Variants in STYXL1 observed in about 807,000 individuals in gnomAD.
The protein encoded by STYXL1 is serine/threonine/tyrosine interacting like 1.
A neutral mutation model predicts 36.4 loss-of-function variants in STYXL1; 32 were observed. The observed-to-expected ratio is 0.88, with a 90% CI of 0.66 to 1.18. The LOEUF is 1.18. Ranked by LOEUF, STYXL1 falls within the 50% of genes most tolerant of loss-of-function variation. STYXL1 has a pLI of 0.00. For synonymous variants in STYXL1, 133 were observed against 144.1 expected (o/e 0.92, Z 0.55); for missense variants, 354 against 394.1 (o/e 0.90, Z 0.86).
At position 76,047,978 on chromosome 7, in the gene STYXL1, T is replaced by G; in HGVS notation, c.-321A>C. The G allele has an allele frequency of 6.7e-7, 1 of 1,481,778 alleles. No individual in the cohort carries two copies. The allele number at this position is 1,481,778 out of a possible 1,614,324, so 91.8% of individuals were successfully genotyped here. A position where few individuals can be genotyped will look rare whatever the true frequency, so the allele number is the denominator to read the frequency against. Reference sequence around the variant, plus strand: ...GGGGTTGCCAGGATGGTCCCACAGCTTTCCTTTCCGACTCCCGGAAGTGGC... The same window carrying G: ...GGGGTTGCCAGGATGGTCCCACAGCGTTCCTTTCCGACTCCCGGAAGTGGC... On this transcript the variant is annotated 5_prime_UTR_variant, in exon 1 of 9. Transcript: ENST00000359697.
chr7:76,018,385 C>T (rs551444827), intron 4 of STYXL1, among the ~76,000 whole-genome samples: 1 of 152,004 alleles, frequency 6.6e-6, no homozygotes. Flanking sequence ...TAGCACATGT[C>T]AGTACTTTTA....
At chr7:76,040,890 T>A (rs1160132258) in intron 1 of STYXL1, among the ~76,000 whole-genome samples, 1 of 151,404 alleles carries the variant, frequency 6.6e-6, no homozygotes, top group Non-Finnish European at 1.5e-5. Flanking sequence ...GCTATTTATC[T>A]AAATATGGTT....
At chr7:76,005,180 A>T (rs539864694) in intron 6 of STYXL1, 79 bp downstream of exon 6, 186 of 893,294 alleles carry the variant, frequency 2.1e-4, no homozygotes, top group East Asian at 1.1e-3. Flanking sequence ...TAATAAAATT[A>T]AAAAAAATAA....
At chr7:76,040,729 C>T (rs1380864253) in intron 1 of STYXL1, among the ~76,000 whole-genome samples, 3 of 150,824 alleles carry the variant, frequency 2.0e-5, no homozygotes, top group Non-Finnish European at 3.0e-5. Context: ...CCAGCTACTC[C>T]GGAGGCTGAG....
chr7:76,007,469 A>G (rs545278224), intron 5 of STYXL1, among the ~76,000 whole-genome samples: 88 of 152,224 alleles, frequency 5.8e-4, no homozygotes, highest in African/African-American at 2.0e-3. Context: ...TTAGACGCAA[A>G]TACTACACCA....
chr7:76,012,811 C>T (rs1202388075), intron 5 of STYXL1, among the ~76,000 whole-genome samples: 34 of 152,182 alleles, frequency 2.2e-4, no homozygotes, highest in Middle Eastern at 3.2e-3. Context: ...GGCTTATAGG[C>T]GTGAGCCACC....
intron 4 of STYXL1, among the ~76,000 whole-genome samples, chr7:76,019,927 CAAA>C (rs58018497): frequency 0.011 from 926 of 82,310 alleles, 9 homozygotes; most frequent in African/African-American, 0.028. Context: ...GACCCTGACT[CAAA>C]AAAAAAAAAA....
At chr7:76,022,838 G>A (rs963075765) in intron 3 of STYXL1, among the ~76,000 whole-genome samples, 4 of 151,976 alleles carry the variant, frequency 2.6e-5, no homozygotes, top group African/African-American at 7.2e-5. Flanking sequence ...GAGGTGGGAG[G>A]ATCGCTTGAG....
intron 3 of STYXL1, among the ~76,000 whole-genome samples, chr7:76,023,336 C>T (rs1319828396): frequency 6.6e-6 from 1 of 152,086 alleles, no homozygotes; most frequent in Non-Finnish European, 1.5e-5. Context: ...ATCCCAGACC[C>T]AGGACCAATC....
chr7:76,014,138 G>C (rs1258282376), intron 4 of STYXL1, among the ~76,000 whole-genome samples: 3 of 151,156 alleles, frequency 2.0e-5, no homozygotes, highest in Non-Finnish European at 4.4e-5. Context: ...ACCATGCCTG[G>C]CTAATTTTTT....
chr7:76,030,477 A>G lies in STYXL1; in HGVS notation c.47T>C (p.Leu16Pro). 6.2e-7 allele frequency: 1 copy of G among 1,614,066 alleles called. No individual in the cohort carries two copies. Among genetic ancestry groups the G allele is most frequent in the Non-Finnish European group, 8.5e-7 (1 of 1,179,908 alleles). Reference sequence around the variant, plus strand: ...TCTGGAGAGTTTTGTGGCCTGATTCAGGATGTTGTAAAGCTCTGTTGGTTC... The same window carrying G: ...TCTGGAGAGTTTTGTGGCCTGATTCGGGATGTTGTAAAGCTCTGTTGGTTC... ...LCEPTELYNI[L>P]NQATKLSRLT... Residue 16 changes from leucine to proline, a missense_variant, in exon 2 of 9, where the codon CTG becomes CCG. Coordinates refer to ENST00000359697, the MANE Select transcript of STYXL1 (RefSeq NM_001317785.2).
rs565958378 is a variant in STYXL1, at chr7:76,027,655, G to A, written c.165+987C>T. The stretch of plus-strand genomic sequence containing the variant: ...AAGCTCCAAAAATAAAGATAAAAAT[G>A]AAAAAAATATATAAAAACAACACAT... On this transcript the variant is annotated intron_variant, in intron 3 of 8. Transcript: ENST00000359697. Among the ~76,000 whole-genome samples the A allele has an allele frequency of 2.4e-4, 36 of 151,134 alleles. 1 individual carries two copies. In the South Asian group the frequency reaches 6.1e-3, roughly 25 times the overall value.
chr7:76,030,035 T>C (rs1434523007), intron 2 of STYXL1, among the ~76,000 whole-genome samples: 3 of 152,102 alleles, frequency 2.0e-5, no homozygotes, highest in Non-Finnish European at 2.9e-5. Context: ...GGTCTCACTC[T>C]GTCACCCAGG....
rs1159067824 is a variant in STYXL1, at chr7:76,026,192, CAAAAAAAAAAAAAAAAAAA to C, written c.165+2431_165+2449del. Among the ~76,000 whole-genome samples, 61 of 18,622 alleles carry C rather than the reference CAAAAAAAAAAAAAAAAAAA, an allele frequency of 3.3e-3. 1 individual carries two copies. The highest frequency in any genetic ancestry group is 0.062 in the Middle Eastern group (1 of 16). 12.2% of individuals were successfully genotyped at this position (18,622 alleles called of 152,430 possible). On this transcript the variant is annotated intron_variant, in intron 3 of 8. Coordinates refer to ENST00000359697, the MANE Select transcript of STYXL1 (RefSeq NM_001317785.2). ...GGAGGACAGAGCAAGACTCTGTCTC[CAAAAAAAAAAAAAAAAAAA>C]AAAAAAAAAAAAAAAAAAGCAGCAG...
At chr7:76,026,192 CAAAAAAAAAAAAAAAAAAAAAA>C (rs1159067824) in intron 3 of STYXL1, among the ~76,000 whole-genome samples, 10 of 18,614 alleles carry the variant, frequency 5.4e-4, no homozygotes, top group Non-Finnish European at 7.0e-4. Context: ...ACTCTGTCTC[CAAAAAAAAAAAAAAAAAAAAAA>C]AAAAAAAAAA....
intron 5 of STYXL1, among the ~76,000 whole-genome samples, chr7:76,012,577 G>A (rs1792687925): frequency 6.6e-6 from 1 of 152,004 alleles, no homozygotes; most frequent in Non-Finnish European, 1.5e-5. Context: ...CTGTATTTTT[G>A]GTAGTCAGGG....
At chr7:76,013,620 T>C (rs782225249) in intron 5 of STYXL1, 122 bp downstream of exon 5, 61 of 1,411,800 alleles carry the variant, frequency 4.3e-5, no homozygotes, top group Non-Finnish European at 5.8e-5. Flanking sequence ...AGACAGAATC[T>C]CCTCCACTTT....
intron 1 of STYXL1, among the ~76,000 whole-genome samples, chr7:76,031,553 A>G (rs1490997789): frequency 6.6e-6 from 1 of 151,462 alleles, no homozygotes; most frequent in African/African-American, 2.4e-5. Flanking sequence ...CATCTCTACT[A>G]AAAATACAAA....
At chr7:76,039,783 G>T (rs1370694298) in intron 1 of STYXL1, among the ~76,000 whole-genome samples, 1 of 152,076 alleles carries the variant, frequency 6.6e-6, no homozygotes, top group Non-Finnish European at 1.5e-5. Context: ...CAGTAGCAAG[G>T]ACTACAGGCA....
Sources: gnomAD v4.1 joint callset for allele counts (sites outside exome capture counted in the v4.1 genomes callset) on GRCh38, gnomAD v4.1.1 for gene constraint, MANE v1.5 for transcripts, NCBI Gene and HGNC (gene_info 2026-07-23, HGNC 2026-07-21) for gene names.